The following VPS13D variants were observed in gnomAD, a reference collection of about 807,000 sequenced individuals.
VPS13D encodes vacuolar protein sorting 13 homolog D.
A neutral mutation model predicts 461.9 loss-of-function variants in VPS13D; 187 were observed. The observed-to-expected ratio is 0.40, with a 90% CI of 0.36 to 0.46. The LOEUF (loss-of-function observed/expected upper bound fraction) is 0.46. VPS13D is among the 20% of genes least tolerant of loss of function. VPS13D has a pLI of 0.60. For missense variants in VPS13D, 4,711 were observed against 5,364.9 expected, an observed-to-expected ratio of 0.88 and a Z score of 3.81; for synonymous variants, 1,951 against 1,986.3, an observed-to-expected ratio of 0.98 and a Z score of 0.47.
intron 65 of VPS13D, among the ~76,000 whole-genome samples, chr1:12,419,487 T>C (rs949523640): frequency 6.6e-6 from 1 of 152,230 alleles, no homozygotes; most frequent in African/African-American, 2.4e-5. Context: ...GGAGGCATGA[T>C]GCCAGCATCT....
intron 65 of VPS13D, among the ~76,000 whole-genome samples, chr1:12,421,815 G>A (rs1425267583): frequency 1.3e-5 from 2 of 152,110 alleles, no homozygotes; most frequent in Non-Finnish European, 2.9e-5. Context: ...TGCTCATTCT[G>A]TCCTACTTTC....
chr1:12,492,296 A>G (rs1038349647), intron 67 of VPS13D, among the ~76,000 whole-genome samples: 5 of 152,264 alleles, frequency 3.3e-5, no homozygotes, highest in African/African-American at 1.2e-4. Context: ...TGTAGGCTAT[A>G]GGCTGAAAGG....
At chr1:12,445,835 C>G (rs768491936) in intron 65 of VPS13D, among the ~76,000 whole-genome samples, 5 of 152,194 alleles carry the variant, frequency 3.3e-5, no homozygotes, top group Non-Finnish European at 7.3e-5. Context: ...CTCCCATTCC[C>G]ATTCTACCTC....
At chr1:12,400,385 T>C in intron 61 of VPS13D, 55 bp downstream of exon 61, 2 of 1,595,294 alleles carry the variant, frequency 1.3e-6, no homozygotes, top group South Asian at 1.1e-5. Context: ...GTTGATTTGT[T>C]CTCTCACAGC....
intron 35 of VPS13D, among the ~76,000 whole-genome samples, chr1:12,326,536 A>G (rs1285418676): frequency 2.0e-5 from 3 of 151,560 alleles, no homozygotes; most frequent in African/African-American, 4.9e-5. Flanking sequence ...AGGTCTTGCT[A>G]TGTTGCCCAG....
intron 67 of VPS13D, among the ~76,000 whole-genome samples, chr1:12,483,774 C>T (rs1019018059): frequency 7.9e-5 from 12 of 151,588 alleles, no homozygotes; most frequent in African/African-American, 1.2e-4. Flanking sequence ...CCGAGGTGGG[C>T]GGATCACGAG....
intron 55 of VPS13D, among the ~76,000 whole-genome samples, chr1:12,374,304 T>A (rs978846655): frequency 6.6e-6 from 1 of 152,242 alleles, no homozygotes. Context: ...GTGTATGAAC[T>A]GGCATGAAGA....
chr1:12,389,751 T>C (rs1460235912), intron 60 of VPS13D, among the ~76,000 whole-genome samples: 3 of 152,198 alleles, frequency 2.0e-5, no homozygotes, highest in Admixed American at 6.5e-5. Flanking sequence ...TTTTGTGGGA[T>C]TTTTTCCTGG....
chr1:12,248,988 T>C (rs760863314), intron 5 of VPS13D, among the ~76,000 whole-genome samples: 5 of 152,142 alleles, frequency 3.3e-5, no homozygotes, highest in Admixed American at 2.0e-4. Flanking sequence ...TATTATAACA[T>C]AACATAACAA....
rs193072997 is a variant in VPS13D at position 12,352,385 on chromosome 1, C to T, written c.9432-1589C>T. ...CATGGAGTACATGAAGAACTTCCTACAGATCAACAATAAAAAGATAATAAA... is the reference window on the plus strand; with the variant it reads ...CATGGAGTACATGAAGAACTTCCTATAGATCAACAATAAAAAGATAATAAA... On this transcript the variant is annotated intron_variant, in intron 46 of 69. Coordinates refer to ENST00000620676, the MANE Select transcript of VPS13D (RefSeq NM_015378.4). Among the ~76,000 whole-genome samples the T allele has an allele frequency of 2.7e-4, 41 of 152,154 alleles. 1 individual carries two copies. The East Asian group carries it at 5.4e-3, about 20-fold the overall frequency.
intron 26 of VPS13D, among the ~76,000 whole-genome samples, chr1:12,307,800 G>T: frequency 6.6e-6 from 1 of 152,144 alleles, no homozygotes; most frequent in East Asian, 1.9e-4. Context: ...CTTACAGAAA[G>T]AATTTTGGAT....
chr1:12,271,086 C>A lies in VPS13D; in HGVS notation c.2065C>A (p.Arg689=). The A allele has an allele frequency of 6.2e-7, 1 of 1,613,960 alleles. No individual in the cohort carries two copies. Among genetic ancestry groups the A allele is most frequent in the Non-Finnish European group, 8.5e-7 (1 of 1,179,970 alleles). Residue 689 remains arginine (R), a synonymous_variant, in exon 17 of 70, where the codon CGG becomes AGG. Coordinates refer to ENST00000620676, the MANE Select transcript of VPS13D (RefSeq NM_015378.4). ...GAAGATGCAGACCAAGGCAGAAATC[C>A]GGCAAACTCTTGATCGTTTGCTAGT... ...KLKMQTKAEI[R]QTLDRLLVGD...
intron 65 of VPS13D, among the ~76,000 whole-genome samples, chr1:12,429,640 C>G (rs1390347269): frequency 6.6e-6 from 1 of 152,248 alleles, no homozygotes; most frequent in Non-Finnish European, 1.5e-5. Context: ...CCAAACATAT[C>G]TGTAAGCTGG....
intron 63 of VPS13D, among the ~76,000 whole-genome samples, chr1:12,406,026 T>A (rs1009820103): frequency 6.6e-6 from 1 of 152,026 alleles, no homozygotes; most frequent in African/African-American, 2.4e-5. Context: ...TTCAGTTGAA[T>A]GTTTCATCTG....
At chr1:12,338,646 C>T (rs1210573784) in intron 40 of VPS13D, among the ~76,000 whole-genome samples, 1 of 152,002 alleles carries the variant, frequency 6.6e-6, no homozygotes, top group Admixed American at 6.6e-5. Flanking sequence ...AGCAGTGGTG[C>T]CACAAGTCTT....
intron 24 of VPS13D, among the ~76,000 whole-genome samples, chr1:12,298,016 A>G (rs544427298): frequency 3.9e-5 from 6 of 152,320 alleles, no homozygotes; most frequent in East Asian, 1.9e-4. Flanking sequence ...GTATATATAT[A>G]AATACATAGC....
Position 12,415,242 on chromosome 1 carries a change from C to T in VPS13D, c.12165+21C>T, listed in dbSNP as rs748690567. 14 of 1,613,638 alleles carry T rather than the reference C, an allele frequency of 8.7e-6. No individual in the cohort carries two copies. In the East Asian group the frequency reaches 2.9e-4, roughly 33 times the overall value. ...AGGAGGTGAGGCTTGGAGAAGTAAT[C>T]ATTGGCTGGAGCATAAGCAGAATGT... On this transcript the variant is annotated intron_variant, in intron 64 of 69. Coordinates refer to ENST00000620676, the MANE Select transcript of VPS13D (RefSeq NM_015378.4).
At chr1:12,469,382 T>C (rs1645534046) in intron 67 of VPS13D, among the ~76,000 whole-genome samples, 2 of 152,204 alleles carry the variant, frequency 1.3e-5, no homozygotes, top group African/African-American at 4.8e-5. Flanking sequence ...TTGTAACAGA[T>C]TGACTGTAGA....
chr1:12,489,128 C>A (rs947997939), intron 67 of VPS13D, among the ~76,000 whole-genome samples: 2 of 152,172 alleles, frequency 1.3e-5, no homozygotes, highest in African/African-American at 4.8e-5. Flanking sequence ...CTCTGCCCCT[C>A]CCCACCCAGC....
Sources: allele counts gnomAD v4.1 joint callset (sites outside exome capture counted in the v4.1 genomes callset), GRCh38; gene constraint gnomAD v4.1.1; transcripts MANE v1.5; gene names NCBI Gene and HGNC (gene_info 2026-07-23, HGNC 2026-07-21).